The following PGCKA1 variants were observed in gnomAD, a reference collection of about 807,000 sequenced individuals.
The protein encoded by PGCKA1 is PDCD10 and GCKIII kinases associated 1.
chr4:37,509,999 G>C, the PGCKA1 span, among the ~76,000 whole-genome samples: 1 of 151,440 alleles, frequency 6.6e-6, no homozygotes, highest in Non-Finnish European at 1.5e-5. Flanking sequence ...GGGAGGGGGA[G>C]GGGGAGAGGG....
At chr4:37,465,840 CT>C in the PGCKA1 span, among the ~76,000 whole-genome samples, 3 of 152,132 alleles carry the variant, frequency 2.0e-5, no homozygotes, top group East Asian at 1.9e-4. Flanking sequence ...TCCTTCTATT[CT>C]TTTGGTTTCT....
At chr4:37,520,640 C>T in the PGCKA1 span, among the ~76,000 whole-genome samples, 16 of 151,698 alleles carry the variant, frequency 1.1e-4, no homozygotes, top group South Asian at 4.2e-4. Flanking sequence ...TTTTTTGAGA[C>T]GGAGTCTCAC....
chr4:37,522,566 C>G, the PGCKA1 span, among the ~76,000 whole-genome samples: 3 of 152,056 alleles, frequency 2.0e-5, no homozygotes, highest in Admixed American at 6.6e-5. Flanking sequence ...CCTGAGTACT[C>G]TACCCTCTAT....
At chr4:37,567,646 ATCAATC>A in the PGCKA1 span, among the ~76,000 whole-genome samples, 2 of 152,052 alleles carry the variant, frequency 1.3e-5, no homozygotes, top group Admixed American at 6.6e-5. Flanking sequence ...CTTCACCAGA[ATCAATC>A]TCTCTCTCTC....
chr4:37,469,497 T>C, the PGCKA1 span, among the ~76,000 whole-genome samples: 2 of 152,126 alleles, frequency 1.3e-5, no homozygotes, highest in Admixed American at 6.5e-5. Flanking sequence ...CAGGAAGGAA[T>C]GTGACTGAAC....
the PGCKA1 span, among the ~76,000 whole-genome samples, chr4:37,478,817 G>T: frequency 6.6e-6 from 1 of 152,120 alleles, no homozygotes; most frequent in Admixed American, 6.5e-5. Context: ...TTTTATCAAT[G>T]ATTATTTTTT....
the PGCKA1 span, among the ~76,000 whole-genome samples, chr4:37,581,954 G>A: frequency 6.6e-6 from 1 of 152,160 alleles, no homozygotes. This position sits in a 1 kb window ranked among gnomAD's most constrained non-coding sequence, Gnocchi z 4.4. Context: ...GGCTAGATCT[G>A]GTCCAAATGC....
At chr4:37,509,824 G>A in the PGCKA1 span, among the ~76,000 whole-genome samples, 3 of 151,706 alleles carry the variant, frequency 2.0e-5, no homozygotes, top group Non-Finnish European at 2.9e-5. Context: ...CCAGTCAGGC[G>A]TGGCGGCGCG....
chr4:37,525,039 A>T, the PGCKA1 span, among the ~76,000 whole-genome samples: 1 of 152,212 alleles, frequency 6.6e-6, no homozygotes, highest in Non-Finnish European at 1.5e-5. Context: ...TGCAGTCCGA[A>T]GAAACTAAAA....
the PGCKA1 span, among the ~76,000 whole-genome samples, chr4:37,575,382 A>G: frequency 2.6e-5 from 4 of 152,002 alleles, no homozygotes; most frequent in East Asian, 7.7e-4. Context: ...ACTGTTTGCC[A>G]TTTGTATGTC....
the PGCKA1 span, among the ~76,000 whole-genome samples, chr4:37,456,894 T>C: frequency 6.6e-6 from 1 of 152,248 alleles, no homozygotes; most frequent in East Asian, 1.9e-4. Flanking sequence ...ATTCGAAAGA[T>C]AGTTAAAGAA....
chr4:37,460,588 G>T, the PGCKA1 span: 8 of 453,504 alleles, frequency 1.8e-5, no homozygotes, highest in South Asian at 1.3e-4. Flanking sequence ...CTAATGATCA[G>T]TGATGAGCTT....
At chr4:37,542,372 AAAAT>A in the PGCKA1 span, among the ~76,000 whole-genome samples, 475 of 152,318 alleles carry the variant, frequency 3.1e-3, no homozygotes, top group Admixed American at 5.8e-3. Context: ...CTCCACTTGA[AAAAT>A]AACATTCTAC....
At chr4:37,552,124 C>T in the PGCKA1 span, among the ~76,000 whole-genome samples, 1 of 152,202 alleles carries the variant, frequency 6.6e-6, no homozygotes, top group Non-Finnish European at 1.5e-5. Flanking sequence ...GCCTGCCTGG[C>T]CTAAACCTAG....
At chr4:37,551,733 C>T in the PGCKA1 span, among the ~76,000 whole-genome samples, 3 of 152,106 alleles carry the variant, frequency 2.0e-5, no homozygotes, top group Non-Finnish European at 2.9e-5. Context: ...AGGTGGTTCC[C>T]AGCACTAGAA....
At chr4:37,550,330 G>A in the PGCKA1 span, among the ~76,000 whole-genome samples, 2 of 151,810 alleles carry the variant, frequency 1.3e-5, no homozygotes, top group Non-Finnish European at 2.9e-5. Context: ...GGAATAGGGT[G>A]CAGTTCTCTA....
chr4:37,591,006 G>A, the PGCKA1 span: 1 of 1,598,422 alleles, frequency 6.3e-7, no homozygotes, highest in Non-Finnish European at 8.5e-7. Flanking sequence ...ATTAGGGGAG[G>A]GGATTTGCAC....
At chr4:37,459,516 A>G in the PGCKA1 span, among the ~76,000 whole-genome samples, 2 of 152,238 alleles carry the variant, frequency 1.3e-5, no homozygotes, top group East Asian at 3.8e-4. Context: ...ACCCATGTCC[A>G]TGTATCTCAA....
chr4:37,569,491 G>A, the PGCKA1 span, among the ~76,000 whole-genome samples: 7 of 152,036 alleles, frequency 4.6e-5, no homozygotes, highest in African/African-American at 1.2e-4. Context: ...GAGCCACCAC[G>A]CCCGGCCCCG....
Sources: gnomAD v4.1 joint callset for allele counts (sites outside exome capture counted in the v4.1 genomes callset) on GRCh38, gnomAD v4.1.1 for gene constraint, Gnocchi (gnomAD v3.1) non-coding constraint, MANE v1.5 for transcripts, NCBI Gene and HGNC (gene_info 2026-07-23, HGNC 2026-07-21) for gene names.